GALNT18: variants seen among roughly 807,000 people sequenced by gnomAD.
GALNT18 encodes the protein GalNAc-transferase 18.
A neutral mutation model predicts 69.5 loss-of-function variants in GALNT18; 44 were observed. The ratio of observed to expected loss-of-function variants is 0.63; its 90% CI spans 0.50 to 0.81. The LOEUF (loss-of-function observed/expected upper bound fraction) is 0.81, where lower values mean the gene tolerates loss of function less well. Ranked by LOEUF, GALNT18 falls within the 40% of genes least tolerant of loss-of-function variation. The pLI, the probability that GALNT18 is intolerant of heterozygous loss-of-function variation, is 0.00. For synonymous variants in GALNT18, 364 were observed against 318.2 expected, an observed-to-expected ratio of 1.14 and a Z score of -1.53; for missense variants, 715 against 810.0, an observed-to-expected ratio of 0.88 and a Z score of 1.42.
At chr11:11,284,417 T>G (rs1824756088) in intron 10 of GALNT18, among the ~76,000 whole-genome samples, 1 of 152,156 alleles carries the variant, frequency 6.6e-6, no homozygotes, top group African/African-American at 2.4e-5. Context: ...CCTTTTAAAG[T>G]TCCCAGGTGC....
At chr11:11,532,327 G>A (rs1186405359) in intron 1 of GALNT18, among the ~76,000 whole-genome samples, 6 of 152,240 alleles carry the variant, frequency 3.9e-5, no homozygotes, top group South Asian at 2.1e-4. Flanking sequence ...GTAGACCATC[G>A]TTCATCTCTT....
In GALNT18 at chr11:11,340,744, G is replaced by A. The variant is rs1850188774; in HGVS notation, c.1278+75C>T. On this transcript the variant is annotated intron_variant, in intron 7 of 10. Transcript: ENST00000227756. The surrounding 1 kb of genome is among the most constrained non-coding windows in gnomAD (Gnocchi z 4.2). ...GACTCTGGCTGACCCATAGGAAGAA[G>A]GGTTCGGTCCCATATCTTGTTTTGT... is the stretch of plus-strand genomic sequence containing the variant. 2 of 1,383,816 alleles carry A rather than the reference G, an allele frequency of 1.4e-6. No homozygotes were observed. The highest frequency in any genetic ancestry group is 2.9e-5 in the African/African-American group (2 of 68,912). 85.7% of individuals were successfully genotyped at this position (1,383,816 alleles called of 1,614,324 possible). A position where few individuals can be genotyped will look rare whatever the true frequency, so the allele number is the denominator to read the frequency against.
chr11:11,440,430 A>C lies in GALNT18; in HGVS notation c.429-7643T>G, dbSNP rs575855067. Among the ~76,000 whole-genome samples, 13 of 151,816 alleles carry C rather than the reference A, an allele frequency of 8.6e-5. No homozygotes were observed. In the East Asian group the frequency reaches 2.1e-3, roughly 25 times the overall value. Reference sequence around the variant, plus strand: ...GGCCCATAGCACCTACAGCTGAGGAAGGTGGGGCAGGGCAGATCTGCTGGG... The same window carrying C: ...GGCCCATAGCACCTACAGCTGAGGACGGTGGGGCAGGGCAGATCTGCTGGG... On this transcript the variant is annotated intron_variant, in intron 2 of 10. Transcript: ENST00000227756.
chr11:11,597,313 T>C lies in GALNT18; in HGVS notation c.235+24046A>G, dbSNP rs1859523335. Among the ~76,000 whole-genome samples, 4 of 152,370 alleles carry C rather than the reference T, an allele frequency of 2.6e-5. No individual in the cohort carries two copies. In the South Asian group the frequency reaches 8.3e-4, roughly 32 times the overall value. ...GGTTACACTGGCTTCATAAAATGAG[T>C]TGACAAGTGTTCCTTTTCTATTTTT... On this transcript the variant is annotated intron_variant, in intron 1 of 10. Coordinates refer to ENST00000227756, the MANE Select transcript of GALNT18 (RefSeq NM_198516.3).
chr11:11,579,950 C>A (rs1353655501), intron 1 of GALNT18, among the ~76,000 whole-genome samples: 2 of 152,164 alleles, frequency 1.3e-5, no homozygotes, highest in Non-Finnish European at 2.9e-5. Flanking sequence ...GAAAACTCAA[C>A]AAAAGATGTG....
rs184935408 is a variant in GALNT18, at chr11:11,516,772, G to A, written c.236-67836C>T. 3.0e-3 allele frequency among the ~76,000 whole-genome samples: 460 copies of A among 152,320 alleles called. 2 individuals are homozygous for A. Among genetic ancestry groups the A allele is most frequent in the Middle Eastern group, 0.027 (8 of 294 alleles). On this transcript the variant is annotated intron_variant, in intron 1 of 10. Coordinates refer to ENST00000227756, the MANE Select transcript of GALNT18 (RefSeq NM_198516.3). ...CCCAGAATGTGCTGGCACATAGTAG[G>A]TTCTCTACTATTGGTTACTGTTCCC... is the stretch of plus-strand genomic sequence containing the variant.
At chr11:11,462,684 T>C (rs939572060) in intron 1 of GALNT18, among the ~76,000 whole-genome samples, 1 of 152,140 alleles carries the variant, frequency 6.6e-6, no homozygotes, top group African/African-American at 2.4e-5. Flanking sequence ...AATTCTAAGG[T>C]GCTCAGATCA....
intron 1 of GALNT18, among the ~76,000 whole-genome samples, chr11:11,577,180 A>T (rs918465731): frequency 5.3e-5 from 8 of 152,244 alleles, no homozygotes; most frequent in African/African-American, 1.7e-4. Context: ...GCATTCAGCA[A>T]GTACCTGGCC....
rs909734661 is a variant in GALNT18, at chr11:11,494,999, G to A, written c.236-46063C>T. ...CAGCATGAATCTTCAAGAGCATCCT[G>A]GTTTTGCCTAGGGAAGGGGAAGGTT... is the stretch of plus-strand genomic sequence containing the variant. On this transcript the variant is annotated intron_variant, in intron 1 of 10. Coordinates refer to ENST00000227756, the MANE Select transcript of GALNT18 (RefSeq NM_198516.3). This position sits in a 1 kb window ranked among gnomAD's most constrained non-coding sequence, Gnocchi z 5.7. Among the ~76,000 whole-genome samples, 2 of 151,758 alleles carry A rather than the reference G, an allele frequency of 1.3e-5. No individual in the cohort carries two copies. Among genetic ancestry groups the A allele is most frequent in the Non-Finnish European group, 1.5e-5 (1 of 67,990 alleles).
At chr11:11,333,055 A>T (rs1047568176) in intron 7 of GALNT18, among the ~76,000 whole-genome samples, 3 of 150,754 alleles carry the variant, frequency 2.0e-5, no homozygotes, top group Admixed American at 1.3e-4. Context: ...CTTGTCATCA[A>T]GGGCCATTGA....
At chr11:11,414,171 G>A (rs1373879707) in intron 3 of GALNT18, among the ~76,000 whole-genome samples, 2 of 152,018 alleles carry the variant, frequency 1.3e-5, no homozygotes, top group East Asian at 1.9e-4. Flanking sequence ...CTGAAGCATC[G>A]CAACAGCCTC....
intron 1 of GALNT18, among the ~76,000 whole-genome samples, chr11:11,484,316 G>A (rs976684508): frequency 6.6e-6 from 1 of 151,990 alleles, no homozygotes; most frequent in Admixed American, 6.6e-5. Context: ...GGTGAGGCCA[G>A]GCATGGTGGC....
In GALNT18 at chr11:11,314,401, G is replaced by A. The variant is rs1254390742; in HGVS notation, c.1512+12685C>T. Among the ~76,000 whole-genome samples the A allele has an allele frequency of 6.6e-6, 1 of 151,276 alleles. No individual in the cohort carries two copies. Among genetic ancestry groups the A allele is most frequent in the East Asian group, 1.9e-4 (1 of 5,178 alleles). ...CAGCTCCTTTTTTTTTTTTTAGCAT[G>A]GAAGCTGCAGGAGCAGCCCAGAGTT... On this transcript the variant is annotated intron_variant, in intron 9 of 10. Coordinates refer to ENST00000227756, the MANE Select transcript of GALNT18 (RefSeq NM_198516.3). The surrounding 1 kb of genome is among the most constrained non-coding windows in gnomAD (Gnocchi z 5.2).
intron 1 of GALNT18, among the ~76,000 whole-genome samples, chr11:11,522,112 A>G (rs1467569694): frequency 6.6e-6 from 1 of 152,132 alleles, no homozygotes; most frequent in Non-Finnish European, 1.5e-5. Context: ...GAAGGAAGGA[A>G]GGAAGGCCCT....
chr11:11,570,781 C>G (rs1357376714), intron 1 of GALNT18, among the ~76,000 whole-genome samples: 1 of 152,212 alleles, frequency 6.6e-6, no homozygotes, highest in Non-Finnish European at 1.5e-5. Context: ...CATTGCATCC[C>G]CAGCACGAGC....
Position 11,603,287 on chromosome 11 carries a change from A to G in GALNT18, c.235+18072T>C, listed in dbSNP as rs1565037015. On this transcript the variant is annotated intron_variant, in intron 1 of 10. Transcript: ENST00000227756. This position sits in a 1 kb window ranked among gnomAD's most constrained non-coding sequence, Gnocchi z 4.5. The stretch of plus-strand genomic sequence containing the variant: ...TGTAAACAGATTGTTTTGCTCCAAC[A>G]CTGGCTCAGTTACCACCTCAGCGTT... Among the ~76,000 whole-genome samples the G allele has an allele frequency of 1.3e-5, 2 of 152,210 alleles. No homozygotes were observed. Among genetic ancestry groups the G allele is most frequent in the African/African-American group, 4.8e-5 (2 of 41,454 alleles).
chr11:11,437,799 A>C (rs1365546852), intron 2 of GALNT18, among the ~76,000 whole-genome samples: 1 of 151,802 alleles, frequency 6.6e-6, no homozygotes, highest in Admixed American at 6.6e-5. Context: ...TTCTAGAATG[A>C]AGATCAAAGT....
chr11:11,438,882 C>A (rs1368469056), intron 2 of GALNT18, among the ~76,000 whole-genome samples: 1 of 152,226 alleles, frequency 6.6e-6, no homozygotes, highest in East Asian at 1.9e-4. Flanking sequence ...TCCTGTGACA[C>A]TCCTGCCTCT....
Position 11,318,541 on chromosome 11 carries a change from G to A in GALNT18, c.1512+8545C>T, listed in dbSNP as rs542412600. 4.6e-5 allele frequency among the ~76,000 whole-genome samples: 7 copies of A among 152,236 alleles called. No homozygotes were observed. The South Asian group carries it at 1.2e-3, about 27-fold the overall frequency. On this transcript the variant is annotated intron_variant, in intron 9 of 10. Transcript: ENST00000227756. The surrounding 1 kb of genome is among the most constrained non-coding windows in gnomAD (Gnocchi z 5.1). ...GCTTGGCCCTGCTGAGACCGATCTC[G>A]AACTTCTAGGCTTCAGAATTGTGAG... is the stretch of plus-strand genomic sequence containing the variant.
Sources: allele counts gnomAD v4.1 joint callset (sites outside exome capture counted in the v4.1 genomes callset), GRCh38; gene constraint gnomAD v4.1.1; non-coding constraint Gnocchi (gnomAD v3.1); transcripts MANE v1.5; gene names NCBI Gene and HGNC (gene_info 2026-07-23, HGNC 2026-07-21).